The following RAB40C variants were observed in gnomAD, a reference collection of about 807,000 sequenced individuals.
RAB40C encodes the protein RAB40C, member RAS oncogene family.
In RAB40C, 8 loss-of-function variants were observed where a neutral mutation model predicts 28.1. The observed-to-expected ratio is 0.28, with a 90% CI of 0.17 to 0.51. The LOEUF (loss-of-function observed/expected upper bound fraction) is 0.51, where lower values mean the gene tolerates loss of function less well. RAB40C is among the 20% of genes least tolerant of loss of function. RAB40C has a pLI of 0.97. For synonymous variants in RAB40C, 201 were observed against 171.7 expected (o/e 1.17, Z -1.34); for missense variants, 288 against 405.9 (o/e 0.71, Z 2.50).
chr16:591,646 C>T lies in RAB40C; in HGVS notation c.142+1213C>T, dbSNP rs577760396. 1.3e-4 allele frequency among the ~76,000 whole-genome samples: 19 copies of T among 150,188 alleles called. No individual in the cohort carries two copies. The South Asian group carries it at 4.0e-3, about 31-fold the overall frequency. On this transcript the variant is annotated intron_variant, in intron 1 of 5. Transcript: ENST00000248139. ...CTCACTCTGTCGCCAGGCTGGAGTG[C>T]AGTGGCACAATTTCAGCTCACTGCA...
In RAB40C at chr16:627,742, C is replaced by G; in HGVS notation, c.*120C>G. 2 of 1,277,136 alleles carry G rather than the reference C, an allele frequency of 1.6e-6. No individual in the cohort carries two copies. The highest frequency in any genetic ancestry group is 3.2e-5 in the South Asian group (2 of 63,210). The allele number at this position is 1,277,136 out of a possible 1,614,324, so 79.1% of individuals were successfully genotyped here. ...GTCCACACAGCTGCCTCAGAAGCGC[C>G]GGGCTTTCCTCACACCTGAGCCGGG... On this transcript the variant is annotated 3_prime_UTR_variant, in exon 6 of 6. Coordinates refer to ENST00000248139, the MANE Select transcript of RAB40C (RefSeq NM_021168.5).
intron 1 of RAB40C, among the ~76,000 whole-genome samples, chr16:608,675 G>A (rs941286888): frequency 2.6e-5 from 4 of 152,160 alleles, no homozygotes; most frequent in Non-Finnish European, 5.9e-5. Flanking sequence ...TTCAAGACAA[G>A]CCTAGCCAAC....
intron 1 of RAB40C, chr16:596,167 C>A: frequency 2.6e-6 from 1 of 388,938 alleles, no homozygotes; most frequent in South Asian, 1.9e-5. Flanking sequence ...TGACTCGTGT[C>A]GAGCACACGT....
intron 1 of RAB40C, among the ~76,000 whole-genome samples, chr16:603,291 A>G (rs965154879): frequency 6.6e-6 from 1 of 151,750 alleles, no homozygotes; most frequent in Non-Finnish European, 1.5e-5. Context: ...ACACAGACAC[A>G]TTTGAAATTT....
At chr16:609,890 T>A (rs1567189070) in intron 1 of RAB40C, among the ~76,000 whole-genome samples, 2 of 151,736 alleles carry the variant, frequency 1.3e-5, no homozygotes, top group Non-Finnish European at 2.9e-5. Flanking sequence ...CTGAGGCACG[T>A]CAGGATGTGT....
rs2036470339 is a variant in RAB40C at position 610,959 on chromosome 16, A to G, written c.143-6249A>G. ...ACACTCGGCTGACTGTGCTTAGAGA[A>G]CAGGCCGCTGTTTGTGTCTAAATGG... On this transcript the variant is annotated intron_variant, in intron 1 of 5. Transcript: ENST00000248139. The surrounding 1 kb of genome is among the most constrained non-coding windows in gnomAD (Gnocchi z 4.6). 1.3e-5 allele frequency among the ~76,000 whole-genome samples: 2 copies of G among 152,120 alleles called. No homozygotes were observed. Among genetic ancestry groups the G allele is most frequent in the African/African-American group, 4.8e-5 (2 of 41,424 alleles).
intron 3 of RAB40C, among the ~76,000 whole-genome samples, chr16:622,643 A>C (rs1482472893): frequency 6.6e-6 from 1 of 152,064 alleles, no homozygotes; most frequent in Non-Finnish European, 1.5e-5. Context: ...GAGTAGCTAG[A>C]ACTAGGTGTG....
chr16:589,944 T>C (rs2035951279), upstream of RAB40C: 1 of 145,516 alleles, frequency 6.9e-6, no homozygotes, highest in East Asian at 2.1e-4. Context: ...CGACCGGAGG[T>C]CTGGCGGCGC....
chr16:627,572 C>T lies in RAB40C; in HGVS notation c.796C>T (p.Pro266Ser). Residue 266 changes from proline to serine, a missense_variant, in exon 6 of 6, where the codon CCC becomes TCC. Pro to Ser is a moderately conservative substitution (Grantham distance 74). Coordinates refer to ENST00000248139, the MANE Select transcript of RAB40C (RefSeq NM_021168.5). ...CAAGAGGTCCAAGTCCATCCGTCCA[C>T]CCCAGAGCCCCCCCCAGAACTGCTC... ...SLKRSKSIRPPQSPPQNCSRS... is the reference protein window; with the variant it reads ...SLKRSKSIRPSQSPPQNCSRS... 3 of 1,610,758 alleles carry T rather than the reference C, an allele frequency of 1.9e-6. No individual in the cohort carries two copies. The highest frequency in any genetic ancestry group is 1.7e-4 in the Middle Eastern group (1 of 6,040).
In RAB40C at chr16:627,541, C is replaced by T. The variant is rs770378739; in HGVS notation, c.765C>T (p.Asn255=). 6 of 1,613,566 alleles carry T rather than the reference C, an allele frequency of 3.7e-6. No homozygotes were observed. The East Asian group carries it at 1.1e-4, about 30-fold the overall frequency. The change falls in exon 6 of 6, where the codon AAC becomes AAT. Residue 255 remains asparagine, a synonymous_variant. Transcript: ENST00000248139. ...CCGGGGGCGGCGGCAGCAAGGGCAA[C>T]AGCCTCAAGAGGTCCAAGTCCATCC... is the stretch of plus-strand genomic sequence containing the variant. ...SGAGGGGSKG[N]SLKRSKSIRP...
At chr16:601,856 G>A (rs1244521407) in intron 1 of RAB40C, among the ~76,000 whole-genome samples, 7 of 141,890 alleles carry the variant, frequency 4.9e-5, no homozygotes, top group African/African-American at 9.9e-5. Context: ...GGCCGGATGC[G>A]GTGGCTCACG....
At position 590,180 on chromosome 16, in the gene RAB40C, G is replaced by T; in HGVS notation, c.-112G>T. 1.3e-6 allele frequency: 1 copy of T among 799,370 alleles called. No homozygotes were observed. The highest frequency in any genetic ancestry group is 1.5e-6 in the Non-Finnish European group (1 of 653,650). 49.5% of individuals were successfully genotyped at this position (799,370 alleles called of 1,614,324 possible). A position where few individuals can be genotyped will look rare whatever the true frequency, so the allele number is the denominator to read the frequency against. ...GGGCTTCGGGCGCGCCCACTCGGCC[G>T]CCGTGGGGCGGACGCAACGGGCGCA... On this transcript the variant is annotated 5_prime_UTR_variant, in exon 1 of 6. Coordinates refer to ENST00000248139, the MANE Select transcript of RAB40C (RefSeq NM_021168.5).
At position 594,288 on chromosome 16, in the gene RAB40C, G is replaced by A. The variant is rs142627133; in HGVS notation, c.142+3855G>A. Among the ~76,000 whole-genome samples, 448 of 152,296 alleles carry A rather than the reference G, an allele frequency of 2.9e-3. 11 individuals are homozygous for A. The highest frequency in any genetic ancestry group is 0.022 in the Admixed American group (344 of 15,296). ...TGCTCTTTTGGGGTTCAGTGTTGGT[G>A]GAAGCTGCTGAGTGACACTCCGGTC... On this transcript the variant is annotated intron_variant, in intron 1 of 5. Transcript: ENST00000248139.
intron 5 of RAB40C, 70 bp from the exon 6 acceptor site, chr16:627,272 A>G (rs1859142693): frequency 1.4e-6 from 2 of 1,465,346 alleles, no homozygotes; most frequent in Non-Finnish European, 1.9e-6. Context: ...TCTCTTGGGC[A>G]CCTCAGGTCT....
chr16:625,403 C>G (rs781419176), intron 3 of RAB40C, 29 bp from the exon 4 acceptor site: 5 of 1,609,400 alleles, frequency 3.1e-6, no homozygotes, highest in African/African-American at 2.7e-5. Flanking sequence ...TGTCAGTGAC[C>G]CCTGATGACC....
At chr16:620,385 C>G (rs899680709) in intron 3 of RAB40C, among the ~76,000 whole-genome samples, 1 of 151,960 alleles carries the variant, frequency 6.6e-6, no homozygotes, top group African/African-American at 2.4e-5. Flanking sequence ...GAGTGAAACT[C>G]CATCTCAAAA....
At chr16:622,306 C>T (rs561563623) in intron 3 of RAB40C, among the ~76,000 whole-genome samples, 2 of 152,260 alleles carry the variant, frequency 1.3e-5, no homozygotes, top group South Asian at 2.1e-4. Context: ...CACGAGCAGG[C>T]GGGGGTGCTG....
intron 1 of RAB40C, among the ~76,000 whole-genome samples, chr16:607,792 A>C (rs2036393912): frequency 1.3e-5 from 2 of 152,232 alleles, no homozygotes; most frequent in African/African-American, 4.8e-5. Context: ...CTCCGTCTCA[A>C]AAACGAAAAG....
At chr16:622,218 C>T (rs1294183738) in intron 3 of RAB40C, among the ~76,000 whole-genome samples, 2 of 152,118 alleles carry the variant, frequency 1.3e-5, no homozygotes, top group South Asian at 4.1e-4. Context: ...TCGTGTAGGT[C>T]GAGTTGATCA....
Sources: gnomAD v4.1 joint callset for allele counts (sites outside exome capture counted in the v4.1 genomes callset) on GRCh38, gnomAD v4.1.1 for gene constraint, Gnocchi (gnomAD v3.1) non-coding constraint, MANE v1.5 for transcripts, NCBI Gene and HGNC (gene_info 2026-07-23, HGNC 2026-07-21) for gene names.